Variants in ADGRL3 observed in about 807,000 individuals in gnomAD.
The protein encoded by ADGRL3 is adhesion G protein-coupled receptor L3, also known as calcium-independent alpha-latrotoxin receptor 3.
In ADGRL3, 62 loss-of-function variants were observed where a neutral mutation model predicts 153.5. The observed-to-expected ratio is 0.40, with a 90% CI of 0.33 to 0.50. ADGRL3 has a LOEUF of 0.50. Ranked by LOEUF, ADGRL3 falls within the 20% of genes least tolerant of loss-of-function variation. The pLI, the probability that ADGRL3 is intolerant of heterozygous loss-of-function variation, is 0.47. For synonymous variants in ADGRL3, 710 were observed against 672.5 expected (o/e 1.06, Z -0.86); for missense variants, 1,641 against 1,859.4 (o/e 0.88, Z 2.16).
At chr4:61,883,561 A>T (rs1182561704) in intron 9 of ADGRL3, among the ~76,000 whole-genome samples, 4 of 152,202 alleles carry the variant, frequency 2.6e-5, no homozygotes, top group Non-Finnish European at 5.9e-5. Flanking sequence ...AATCTAAGGC[A>T]CAGAGAGGCA....
intron 21 of ADGRL3, among the ~76,000 whole-genome samples, chr4:62,010,012 G>A (rs950817909): frequency 1.3e-5 from 2 of 152,094 alleles, no homozygotes; most frequent in African/African-American, 4.8e-5. Flanking sequence ...AGGTATGGAG[G>A]AGAAGGCATG....
intron 9 of ADGRL3, among the ~76,000 whole-genome samples, chr4:61,823,562 T>C (rs2097774397): frequency 2.0e-5 from 3 of 152,076 alleles, no homozygotes; most frequent in Non-Finnish European, 2.9e-5. Context: ...CCAAATATCA[T>C]GAAATAGGTA....
intron 22 of ADGRL3, among the ~76,000 whole-genome samples, chr4:62,030,486 C>A (rs565810209): frequency 1.3e-5 from 2 of 151,550 alleles, no homozygotes; most frequent in Admixed American, 1.3e-4. Context: ...TTATGAGTCC[C>A]ATCTGTTGCA....
chr4:61,823,290 T>C (rs2097772005), intron 9 of ADGRL3, among the ~76,000 whole-genome samples: 1 of 152,198 alleles, frequency 6.6e-6, no homozygotes, highest in Non-Finnish European at 1.5e-5. Context: ...TGTCTAAATA[T>C]CACAAGTTTT....
In ADGRL3 at chr4:61,467,292, C is replaced by T. The variant is rs2097896461; in HGVS notation, c.-173-29829C>T. ...CAAAGCTTGTTGAGCTTCCTTAAAG[C>T]ACGTGATAATATTACCGTTCCACTT... On this transcript the variant is annotated intron_variant, in intron 2 of 26. Transcript: ENST00000683033. Among the ~76,000 whole-genome samples the T allele has an allele frequency of 2.0e-5, 3 of 152,084 alleles. No individual in the cohort carries two copies. In the South Asian group the frequency reaches 6.2e-4, roughly 32 times the overall value.
chr4:62,036,289 T>C (rs185994910), intron 23 of ADGRL3, among the ~76,000 whole-genome samples: 65 of 152,160 alleles, frequency 4.3e-4, no homozygotes, highest in African/African-American at 1.5e-3. Flanking sequence ...CCCTGTCCTT[T>C]ATTTCAACTT....
At chr4:61,297,123 G>A (rs182642012) in intron 1 of ADGRL3, among the ~76,000 whole-genome samples, 12 of 152,228 alleles carry the variant, frequency 7.9e-5, no homozygotes, top group Admixed American at 6.5e-4. Context: ...AGAGCAATGA[G>A]CCTATTTCTG....
intron 23 of ADGRL3, among the ~76,000 whole-genome samples, chr4:62,037,075 G>A (rs115546770): frequency 3.3e-5 from 5 of 152,160 alleles, no homozygotes; most frequent in Non-Finnish European, 5.9e-5. Context: ...TTATTGAGTA[G>A]AACTATTTTG....
intron 8 of ADGRL3, among the ~76,000 whole-genome samples, chr4:61,744,145 C>T (rs931099853): frequency 1.3e-5 from 2 of 152,144 alleles, no homozygotes; most frequent in Non-Finnish European, 2.9e-5. Context: ...TGCAAGGCAG[C>T]AGCGAGGCTG....
intron 1 of ADGRL3, among the ~76,000 whole-genome samples, chr4:61,221,787 A>G (rs1464713702): frequency 6.6e-6 from 1 of 152,166 alleles, no homozygotes; most frequent in Non-Finnish European, 1.5e-5. Context: ...CAATTGTTGT[A>G]GCAAACCAGA....
At chr4:61,743,096 G>A (rs1039114799) in intron 8 of ADGRL3, among the ~76,000 whole-genome samples, 68 of 151,414 alleles carry the variant, frequency 4.5e-4, no homozygotes, top group African/African-American at 1.5e-3. Flanking sequence ...CAAGGCAGGC[G>A]GATCACAAGG....
rs148268775 is a variant in ADGRL3 at position 61,542,557 on chromosome 4, T to A, written c.259+25039T>A. ...TTATCCATGCATTTATTTCTTTTAA[T>A]GCAGTCGCGATTGTACTATGTAAGT... On this transcript the variant is annotated intron_variant, in intron 4 of 26. Transcript: ENST00000683033. Among the ~76,000 whole-genome samples the A allele has an allele frequency of 4.1e-3, 625 of 152,326 alleles. 4 individuals carry two copies. Among genetic ancestry groups the A allele is most frequent in the African/African-American group, 0.014 (596 of 41,584 alleles).
chr4:61,346,434 TCTTAACAAAA>T (rs1303193261), intron 1 of ADGRL3, among the ~76,000 whole-genome samples: 3 of 151,720 alleles, frequency 2.0e-5, no homozygotes, highest in Admixed American at 2.0e-4. Context: ...ATTTCAGTAA[TCTTAACAAAA>T]TTTGATCATT....
At position 61,625,396 on chromosome 4, in the gene ADGRL3, C is replaced by A. The variant is rs554591433; in HGVS notation, c.473+37956C>A. Among the ~76,000 whole-genome samples, 3 of 152,054 alleles carry A rather than the reference C, an allele frequency of 2.0e-5. No homozygotes were observed. The South Asian group carries it at 6.2e-4, about 31-fold the overall frequency. On this transcript the variant is annotated intron_variant, in intron 5 of 26. Transcript: ENST00000683033. ...TTAGATGCTTTAATGCTATTTTTTA[C>A]TTGCTTTAGATAATAATGTTGTTAG...
intron 18 of ADGRL3, among the ~76,000 whole-genome samples, chr4:61,981,798 A>C (rs561480017): frequency 6.6e-6 from 1 of 152,268 alleles, no homozygotes; most frequent in East Asian, 1.9e-4. Flanking sequence ...GTTTTCTGGT[A>C]TGTGTCCATA....
chr4:62,037,582 T>G (rs1175506283), intron 23 of ADGRL3, 149 bp from the exon 24 acceptor site: 1 of 877,510 alleles, frequency 1.1e-6, no homozygotes, highest in Non-Finnish European at 1.7e-6. Context: ...TATGTTGTAT[T>G]GTAAAATATA....
chr4:61,212,858 T>C (rs543272063), intron 1 of ADGRL3, among the ~76,000 whole-genome samples: 1 of 152,270 alleles, frequency 6.6e-6, no homozygotes, highest in Non-Finnish European at 1.5e-5. Context: ...TTTTTATGAT[T>C]TGATGTTATT....
intron 1 of ADGRL3, among the ~76,000 whole-genome samples, chr4:61,248,949 A>G (rs370779323): frequency 4.6e-5 from 7 of 152,328 alleles, no homozygotes; most frequent in East Asian, 3.9e-4. Context: ...CGTGCACAGC[A>G]TAAAGCTTGA....
intron 1 of ADGRL3, among the ~76,000 whole-genome samples, chr4:61,274,270 A>G (rs565219753): frequency 3.3e-5 from 5 of 152,362 alleles, no homozygotes; most frequent in Admixed American, 6.5e-5. Flanking sequence ...AAATATAAAA[A>G]TGATAAATGC....
Sources: gnomAD v4.1 joint callset for allele counts (sites outside exome capture counted in the v4.1 genomes callset) on GRCh38, gnomAD v4.1.1 for gene constraint, MANE v1.5 for transcripts, NCBI Gene and HGNC (gene_info 2026-07-23, HGNC 2026-07-21) for gene names.